The following ABCA8 variants were observed in gnomAD, a reference collection of about 807,000 sequenced individuals.
ABCA8 encodes the protein ATP binding cassette subfamily A member 8.
ABCA8 carries 177 observed loss-of-function variants against 192.3 expected under a neutral mutation model. The ratio of observed to expected loss-of-function variants is 0.92; its 90% CI spans 0.81 to 1.04. The LOEUF (loss-of-function observed/expected upper bound fraction) is 1.04. ABCA8 is among the 50% of genes least tolerant of loss of function. ABCA8 has a pLI of 0.00. For missense variants in ABCA8, 1,915 were observed against 1,904.8 expected, an observed-to-expected ratio of 1.01 and a Z score of -0.10; for synonymous variants, 642 against 690.2, an observed-to-expected ratio of 0.93 and a Z score of 1.09.
At chr17:68,944,825 A>T (rs1353334683) in intron 2 of ABCA8, 1 of 152,246 alleles carries the variant, frequency 6.6e-6, no homozygotes, top group African/African-American at 2.4e-5. Context: ...AGGACCCAGC[A>T]CGGATACAAA....
chr17:68,922,402 A>C (rs2067569451), intron 11 of ABCA8, 102 bp from the exon 12 acceptor site: 1 of 823,188 alleles, frequency 1.2e-6, no homozygotes, highest in Non-Finnish European at 1.8e-6. Flanking sequence ...GGATACATGA[A>C]GATCTGGGTC....
intron 10 of ABCA8, among the ~76,000 whole-genome samples, chr17:68,927,391 G>A (rs919404416): frequency 2.6e-5 from 4 of 152,148 alleles, no homozygotes; most frequent in African/African-American, 4.8e-5. Context: ...ATGTTGCAAG[G>A]TGATACAAAT....
intron 31 of ABCA8, among the ~76,000 whole-genome samples, chr17:68,881,642 T>G (rs1014504183): frequency 6.6e-6 from 1 of 152,236 alleles, no homozygotes. Context: ...AAAGTTCATC[T>G]TATTAGAGAG....
chr17:68,908,928 G>T (rs2067164017), intron 17 of ABCA8, among the ~76,000 whole-genome samples: 1 of 152,116 alleles, frequency 6.6e-6, no homozygotes, highest in South Asian at 2.1e-4. Flanking sequence ...CCTTAAAAAT[G>T]GTAGCAATTT....
intron 2 of ABCA8, among the ~76,000 whole-genome samples, 184 bp from the exon 3 acceptor site, chr17:68,942,223 C>T (rs1195138548): frequency 6.6e-6 from 1 of 152,182 alleles, no homozygotes; most frequent in Non-Finnish European, 1.5e-5. Flanking sequence ...CACTTGCAGA[C>T]TCTGTTCCAT....
At chr17:68,887,646 A>G (rs1027434020) in intron 24 of ABCA8, 140 bp from the exon 25 acceptor site, 1 of 674,690 alleles carries the variant, frequency 1.5e-6, no homozygotes, top group African/African-American at 1.8e-5. Flanking sequence ...GGATGTGGAT[A>G]GTTACAAACA....
rs761800841 is a variant in ABCA8 at position 68,876,480 on chromosome 17, G to A, written c.4350C>T (p.Pro1450=). The part of the protein sequence containing the change: ...LLDEPSTGMD[P]EGQQQMWQAI... ...CTCACCACATTTGCTGCTGCCCCTCGGGGTCCATCCCGGTCGACGGCTCAT... is the reference window on the plus strand; with the variant it reads ...CTCACCACATTTGCTGCTGCCCCTCAGGGTCCATCCCGGTCGACGGCTCAT... The change falls in exon 35 of 40, where the codon CCC becomes CCT. Residue 1450 remains proline, a synonymous_variant. Transcript: ENST00000586539. 1.9e-5 allele frequency: 31 copies of A among 1,613,760 alleles called. No homozygotes were observed. The highest frequency in any genetic ancestry group is 3.3e-4 in the Middle Eastern group (2 of 6,080).
At chr17:68,899,826 CTAAA>C (rs2066861127) in intron 21 of ABCA8, among the ~76,000 whole-genome samples, 1 of 151,984 alleles carries the variant, frequency 6.6e-6, no homozygotes, top group South Asian at 2.1e-4. Context: ...TTTTTGGAAA[CTAAA>C]TAGTCTACTC....
intron 5 of ABCA8, among the ~76,000 whole-genome samples, chr17:68,935,920 A>G (rs2068054281): frequency 6.6e-6 from 1 of 151,970 alleles, no homozygotes; most frequent in African/African-American, 2.4e-5. Flanking sequence ...CCTGGTTTTA[A>G]TTTGCATTTT....
At chr17:68,935,540 C>CTATCTATATATATA (rs747035477) in intron 5 of ABCA8, among the ~76,000 whole-genome samples, 2 of 87,290 alleles carry the variant, frequency 2.3e-5, no homozygotes, top group African/African-American at 9.4e-5. Context: ...AGTAGTATTC[C>CTATCTATATATATA]TATATATATA....
chr17:68,884,874 A>G, intron 27 of ABCA8: 1 of 982,840 alleles, frequency 1.0e-6, no homozygotes, highest in Non-Finnish European at 1.2e-6. Flanking sequence ...TGAAATCCCA[A>G]AGATTAGGGA....
intron 17 of ABCA8, among the ~76,000 whole-genome samples, chr17:68,914,637 A>G (rs2067309538): frequency 6.6e-6 from 1 of 152,162 alleles, no homozygotes; most frequent in South Asian, 2.1e-4. Flanking sequence ...TGATGTAAGA[A>G]ATTGAAGAGG....
At chr17:68,879,159 T>C (rs1178099579) in intron 32 of ABCA8, 1 of 152,230 alleles carries the variant, frequency 6.6e-6, no homozygotes, top group Non-Finnish European at 1.5e-5. Context: ...TTCACCCCCT[T>C]GTATCTAATT....
intron 23 of ABCA8, among the ~76,000 whole-genome samples, chr17:68,893,478 T>C (rs1295914086): frequency 6.6e-6 from 1 of 152,218 alleles, no homozygotes; most frequent in Non-Finnish European, 1.5e-5. Context: ...GTAATTCTAA[T>C]GTAGATAGTC....
chr17:68,897,537 A>T (rs1324940727), intron 21 of ABCA8, among the ~76,000 whole-genome samples: 1 of 152,254 alleles, frequency 6.6e-6, no homozygotes, highest in Non-Finnish European at 1.5e-5. Context: ...AACCTAAAAA[A>T]CAAAGACTTC....
At chr17:68,878,384 G>A (rs2066258778) in intron 32 of ABCA8, 1 of 152,304 alleles carries the variant, frequency 6.6e-6, no homozygotes, top group African/African-American at 2.4e-5. Flanking sequence ...GATGAAGCTT[G>A]ATGTGGAAGC....
chr17:68,931,990 C>T (rs1355434054), intron 7 of ABCA8: 3 of 217,216 alleles, frequency 1.4e-5, no homozygotes, highest in African/African-American at 6.7e-5. Flanking sequence ...GTGGGTGGAT[C>T]ACGAGGTCAG....
intron 21 of ABCA8, among the ~76,000 whole-genome samples, chr17:68,896,119 C>T (rs966820138): frequency 7.9e-6 from 1 of 127,090 alleles, no homozygotes; most frequent in South Asian, 3.0e-4. Context: ...GAAACTCTCC[C>T]TAAATAAACT....
intron 23 of ABCA8, 161 bp downstream of exon 23, chr17:68,894,012 A>G (rs1187035007): frequency 1.3e-6 from 1 of 750,194 alleles, no homozygotes; most frequent in Admixed American, 2.5e-5. Flanking sequence ...AAGCTCTGAA[A>G]ACGTATTGAT....
Sources: gnomAD v4.1 joint callset for allele counts (sites outside exome capture counted in the v4.1 genomes callset) on GRCh38, gnomAD v4.1.1 for gene constraint, MANE v1.5 for transcripts, NCBI Gene and HGNC (gene_info 2026-07-23, HGNC 2026-07-21) for gene names.